The following RFX2 variants were observed in gnomAD, a reference collection of about 807,000 sequenced individuals.
RFX2 encodes DNA-binding protein RFX2.
RFX2 carries 20 observed loss-of-function variants against 87.8 expected under a neutral mutation model. The ratio of observed to expected loss-of-function variants is 0.23; its 90% CI spans 0.16 to 0.33. The LOEUF (loss-of-function observed/expected upper bound fraction) is 0.33. Among genes scored for constraint, RFX2 ranks in the 10% least tolerant of loss-of-function variants. RFX2 has a pLI of 1.00. For synonymous variants in RFX2, 397 were observed against 431.3 expected (o/e 0.92, Z 0.98); for missense variants, 767 against 1,012.3 (o/e 0.76, Z 3.29).
At position 6,101,497 on chromosome 19, in the gene RFX2, CT is replaced by C. The variant is rs1449131234; in HGVS notation, c.-9+8895del. ...TCTAAGGCCTTTCCCCACAGATCAC[CT>C]TTTGGACAGAAATGTATCCTTGGAA... is the stretch of plus-strand genomic sequence containing the variant. On this transcript the variant is annotated intron_variant, in intron 1 of 17. Coordinates refer to ENST00000303657, the MANE Select transcript of RFX2 (RefSeq NM_000635.4). The surrounding 1 kb of genome is among the most constrained non-coding windows in gnomAD (Gnocchi z 4.9). Among the ~76,000 whole-genome samples the C allele has an allele frequency of 3.3e-5, 5 of 152,182 alleles. No individual in the cohort carries two copies. Among genetic ancestry groups the C allele is most frequent in the African/African-American group, 4.8e-5 (2 of 41,438 alleles).
chr19:6,049,071 T>C (rs930704560), intron 1 of RFX2: 9 of 152,260 alleles, frequency 5.9e-5, no homozygotes, highest in African/African-American at 1.7e-4. Context: ...TTTCAAAAGA[T>C]TGTAAATTTC....
intron 5 of RFX2, among the ~76,000 whole-genome samples, chr19:6,034,221 C>T (rs1055318125): frequency 1.3e-5 from 2 of 149,400 alleles, no homozygotes; most frequent in African/African-American, 5.0e-5. Flanking sequence ...CAGACACACA[C>T]TGCTAATTTT....
In RFX2 at chr19:6,105,568, C is replaced by T. The variant is rs551294679; in HGVS notation, c.-9+4825G>A. ...TCGAGCTGAGGGGTATGAAGTAGAA[C>T]TTAACATGACGCCGCCTCTCCCAGG... is the stretch of plus-strand genomic sequence containing the variant. On this transcript the variant is annotated intron_variant, in intron 1 of 17. Coordinates refer to ENST00000303657, the MANE Select transcript of RFX2 (RefSeq NM_000635.4). 1.2e-4 allele frequency among the ~76,000 whole-genome samples: 19 copies of T among 152,220 alleles called. No homozygotes were observed. The East Asian group carries it at 3.1e-3, about 25-fold the overall frequency.
At chr19:6,067,728 G>A (rs1322821130) in intron 1 of RFX2, among the ~76,000 whole-genome samples, 1 of 152,172 alleles carries the variant, frequency 6.6e-6, no homozygotes. Context: ...CTTGTTTTTG[G>A]TGGGCCCAGC....
Position 6,065,061 on chromosome 19 carries a change from T to A in RFX2, c.-8-17557A>T, listed in dbSNP as rs80027986. On this transcript the variant is annotated intron_variant, in intron 1 of 17. Transcript: ENST00000303657. ...AAGAAAATGATAAATTTAAAAAAAA[T>A]TTTAAATGAGGCTCTAATTCCTGAA... 4.6e-3 allele frequency among the ~76,000 whole-genome samples: 700 copies of A among 152,276 alleles called. 9 individuals carry two copies. In the East Asian group the frequency reaches 0.071, roughly 15 times the overall value.
At chr19:6,019,839 A>G (rs1024023352) in intron 6 of RFX2, 1 of 152,162 alleles carries the variant, frequency 6.6e-6, no homozygotes, top group Non-Finnish European at 1.5e-5. Context: ...CCCGCAGACT[A>G]TGCTCTCCCT....
chr19:6,072,903 A>G, intron 1 of RFX2: 1 of 1,050,170 alleles, frequency 9.5e-7, no homozygotes, highest in Non-Finnish European at 1.5e-6. Flanking sequence ...AGTCAGACCA[A>G]CATGTCAAAA....
intron 1 of RFX2, chr19:6,078,294 A>G (rs923840937): frequency 7.3e-5 from 11 of 150,604 alleles, no homozygotes; most frequent in Non-Finnish European, 1.3e-4. Context: ...TACACTTCAA[A>G]TGGGTGAGCT....
intron 1 of RFX2, among the ~76,000 whole-genome samples, chr19:6,075,879 G>A (rs183239086): frequency 1.3e-5 from 2 of 152,336 alleles, no homozygotes; most frequent in Non-Finnish European, 2.9e-5. Context: ...GAAAGCAGGT[G>A]TAGATAAAGC....
intron 1 of RFX2, among the ~76,000 whole-genome samples, chr19:6,093,164 T>C (rs1051143315): frequency 6.6e-6 from 1 of 152,186 alleles, no homozygotes. Context: ...CTCACACGTG[T>C]ACACAAATAT....
Position 6,047,348 on chromosome 19 carries a change from C to T in RFX2, c.90+59G>A. 1.5e-6 allele frequency: 2 copies of T among 1,365,584 alleles called. No homozygotes were observed. Among genetic ancestry groups the T allele is most frequent in the Non-Finnish European group, 2.0e-6 (2 of 986,098 alleles). 84.6% of individuals were successfully genotyped at this position (1,365,584 alleles called of 1,614,324 possible). A position where few individuals can be genotyped will look rare whatever the true frequency, so the allele number is the denominator to read the frequency against. Reference sequence around the variant, plus strand: ...TTTGCAGATCTGAGCAGCTTTCAAACCCATAGAGATCGCGTCCACACTGTG... The same window carrying T: ...TTTGCAGATCTGAGCAGCTTTCAAATCCATAGAGATCGCGTCCACACTGTG... On this transcript the variant is annotated intron_variant, in intron 2 of 17. Transcript: ENST00000303657. The surrounding 1 kb of genome is among the most constrained non-coding windows in gnomAD (Gnocchi z 4.2).
intron 1 of RFX2, among the ~76,000 whole-genome samples, chr19:6,109,005 T>TGTGA (rs2088264828): frequency 6.6e-6 from 1 of 150,960 alleles, no homozygotes; most frequent in Non-Finnish European, 1.5e-5. Flanking sequence ...GCATTTGGGG[T>TGTGA]GTGAGTGAGT....
rs199590276 is a variant in RFX2, at chr19:6,006,963, G to T, written c.1402+49C>A. The T allele has an allele frequency of 8.5e-4, 1,348 of 1,595,158 alleles. 15 individuals carry two copies. Among genetic ancestry groups the T allele is most frequent in the Non-Finnish European group, 1.4e-4 (162 of 1,166,102 alleles). On this transcript the variant is annotated intron_variant, in intron 12 of 17. Transcript: ENST00000303657. ...GTACATGTAAGAAAGGACAGAGGAGGCAGGAAGAGAGGATGGAGCAGCGCC... is the reference window on the plus strand; with the variant it reads ...GTACATGTAAGAAAGGACAGAGGAGTCAGGAAGAGAGGATGGAGCAGCGCC...
intron 5 of RFX2, among the ~76,000 whole-genome samples, chr19:6,034,172 G>A (rs1390804461): frequency 6.6e-6 from 1 of 151,382 alleles, no homozygotes; most frequent in Non-Finnish European, 1.5e-5. Flanking sequence ...CCCAGCTCAG[G>A]TGATCCTCCC....
chr19:6,019,585 GATAT>G (rs141504032), intron 6 of RFX2, among the ~76,000 whole-genome samples: 4 of 129,446 alleles, frequency 3.1e-5, no homozygotes, highest in Admixed American at 7.8e-5. Context: ...TAGAGACAGG[GATAT>G]ATATATATAT....
intron 1 of RFX2, among the ~76,000 whole-genome samples, chr19:6,057,767 G>C (rs1362746947): frequency 6.6e-6 from 1 of 152,192 alleles, no homozygotes; most frequent in Non-Finnish European, 1.5e-5. Flanking sequence ...GCTCTCAGGA[G>C]TACCAGTTGC....
chr19:6,006,777 G>A (rs2086588115), intron 12 of RFX2, among the ~76,000 whole-genome samples: 1 of 142,800 alleles, frequency 7.0e-6, no homozygotes, highest in Non-Finnish European at 1.5e-5. Context: ...TTTTTTTTTA[G>A]AGACAGGGTC....
In RFX2 at chr19:5,997,599, T is replaced by C. The variant is rs1028184952; in HGVS notation, c.1860-386A>G. Among the ~76,000 whole-genome samples, 1 of 152,222 alleles carries C rather than the reference T, an allele frequency of 6.6e-6. No individual in the cohort carries two copies. The highest frequency in any genetic ancestry group is 2.4e-5 in the African/African-American group (1 of 41,454). On this transcript the variant is annotated intron_variant, in intron 15 of 17. Coordinates refer to ENST00000303657, the MANE Select transcript of RFX2 (RefSeq NM_000635.4). This position sits in a 1 kb window ranked among gnomAD's most constrained non-coding sequence, Gnocchi z 4.2. ...CCGAATCAGAGCACAGGCTGGCAGC[T>C]GGTGCCTGTCTCCCCAGCAGGAGGC... is the stretch of plus-strand genomic sequence containing the variant.
At chr19:6,046,905 AG>A in intron 2 of RFX2, among the ~76,000 whole-genome samples, 1 of 150,822 alleles carries the variant, frequency 6.6e-6, no homozygotes, top group East Asian at 2.0e-4. Context: ...CTGGGACTAC[AG>A]GTGCAGCCCA....
Sources: gnomAD v4.1 joint callset for allele counts (sites outside exome capture counted in the v4.1 genomes callset) on GRCh38, gnomAD v4.1.1 for gene constraint, Gnocchi (gnomAD v3.1) non-coding constraint, MANE v1.5 for transcripts, NCBI Gene and HGNC (gene_info 2026-07-23, HGNC 2026-07-21) for gene names.